KDM4C: variants seen among roughly 807,000 people sequenced by gnomAD.
KDM4C encodes lysine-specific demethylase 4C.
KDM4C carries 81 observed loss-of-function variants against 129.3 expected under a neutral mutation model. That is an observed-to-expected ratio of 0.63 (90% CI 0.52 to 0.75). KDM4C has a LOEUF of 0.75. KDM4C is among the 30% of genes least tolerant of loss of function. The probability of loss-of-function intolerance (pLI) is 0.00; values close to 1 mark genes in which losing one functional copy is unlikely to be tolerated. For missense variants in KDM4C, 1,457 were observed against 1,304.0 expected, an observed-to-expected ratio of 1.12 and a Z score of -1.81; for synonymous variants, 573 against 456.1, an observed-to-expected ratio of 1.26 and a Z score of -3.26.
chr9:6,811,956 A>G (rs1396993116), intron 3 of KDM4C, among the ~76,000 whole-genome samples: 6 of 152,218 alleles, frequency 3.9e-5, no homozygotes, highest in African/African-American at 1.2e-4. Context: ...ATTAGGAAGG[A>G]CTCTGATCAG....
chr9:6,889,756 C>A (rs1234677760), intron 7 of KDM4C, among the ~76,000 whole-genome samples: 1 of 152,194 alleles, frequency 6.6e-6, no homozygotes, highest in Non-Finnish European at 1.5e-5. Context: ...TCCTTTGGGG[C>A]TGGTGTTAGG....
At chr9:6,821,342 G>GT (rs1421828728) in intron 4 of KDM4C, among the ~76,000 whole-genome samples, 1 of 152,190 alleles carries the variant, frequency 6.6e-6, no homozygotes, top group African/African-American at 2.4e-5. Context: ...CACCAACAGT[G>GT]TAAAAGCGTT....
At chr9:7,094,842 A>G (rs1343824289) in intron 17 of KDM4C, among the ~76,000 whole-genome samples, 2 of 152,192 alleles carry the variant, frequency 1.3e-5, no homozygotes, top group African/African-American at 4.8e-5. Context: ...TAATTGAAAG[A>G]CAAGAGGCAA....
At chr9:7,030,597 T>G (rs1826563584) in intron 15 of KDM4C, among the ~76,000 whole-genome samples, 1 of 152,192 alleles carries the variant, frequency 6.6e-6, no homozygotes. Context: ...ACCCTTCAAT[T>G]ATGCTATGAA....
At chr9:6,849,855 T>C (rs112418161) in intron 5 of KDM4C, among the ~76,000 whole-genome samples, 155 bp downstream of exon 5, 3,629 of 152,340 alleles carry the variant, frequency 0.024, 148 homozygotes, top group African/African-American at 0.078. Context: ...TCTTCTATTC[T>C]GTCTGGGATT....
rs1820805713 is a variant in KDM4C, at chr9:6,767,226, C to T, written c.-18+9023C>T. On this transcript the variant is annotated intron_variant, in intron 1 of 21. Transcript: ENST00000381309. Reference sequence around the variant, plus strand: ...CGATCTCGGCTCACTGCAAGCTCCGCCTCCTGGGTTCACGCCATTCTCCTG... The same window carrying T: ...CGATCTCGGCTCACTGCAAGCTCCGTCTCCTGGGTTCACGCCATTCTCCTG... 2.6e-5 allele frequency among the ~76,000 whole-genome samples: 4 copies of T among 151,944 alleles called. No individual in the cohort carries two copies. In the South Asian group the frequency reaches 8.3e-4, roughly 32 times the overall value.
chr9:7,022,637 C>CTTTTTTTTTTTTTT (rs375675040), intron 15 of KDM4C, among the ~76,000 whole-genome samples: 10 of 133,962 alleles, frequency 7.5e-5, no homozygotes, highest in Admixed American at 1.5e-4. Context: ...CCCTTTATTT[C>CTTTTTTTTTTTTTT]TTTTTTTTTT....
chr9:6,825,192 T>G (rs1206648903), intron 4 of KDM4C, among the ~76,000 whole-genome samples: 2 of 151,778 alleles, frequency 1.3e-5, no homozygotes, highest in African/African-American at 4.8e-5. Context: ...TTATATCAGC[T>G]TCTACATTTA....
intron 17 of KDM4C, chr9:7,077,154 G>A (rs1834021815): frequency 1.0e-6 from 1 of 985,336 alleles, no homozygotes; most frequent in South Asian, 4.7e-5. Flanking sequence ...TGTTGAGAAC[G>A]GACCTGTTGC....
At chr9:7,030,432 C>G (rs1406155276) in intron 15 of KDM4C, among the ~76,000 whole-genome samples, 1 of 151,998 alleles carries the variant, frequency 6.6e-6, no homozygotes, top group Non-Finnish European at 1.5e-5. Context: ...ATGTACAACA[C>G]CAAGAGTGAA....
At chr9:6,793,185 A>G (rs1311615129) in intron 2 of KDM4C, 53 bp downstream of exon 2, 36 of 1,576,336 alleles carry the variant, frequency 2.3e-5, no homozygotes, top group Non-Finnish European at 2.9e-5. Context: ...CCTTTAATTT[A>G]TGTTCTTAGT....
chr9:6,998,975 C>T (rs1416649243), intron 12 of KDM4C, among the ~76,000 whole-genome samples: 1 of 151,936 alleles, frequency 6.6e-6, no homozygotes, highest in Non-Finnish European at 1.5e-5. Context: ...GTGGTATTTT[C>T]TGAGTACTTC....
chr9:6,898,318 T>A (rs1342557267), intron 8 of KDM4C, among the ~76,000 whole-genome samples: 2 of 152,178 alleles, frequency 1.3e-5, no homozygotes, highest in African/African-American at 2.4e-5. Context: ...TAAAAAAGAA[T>A]CATTGTCTTG....
intron 17 of KDM4C, among the ~76,000 whole-genome samples, chr9:7,074,492 A>G (rs1374400785): frequency 6.6e-6 from 1 of 152,088 alleles, no homozygotes; most frequent in Admixed American, 6.5e-5. Flanking sequence ...TATATAATCT[A>G]TTCTTGAATC....
intron 8 of KDM4C, among the ~76,000 whole-genome samples, chr9:6,900,803 C>G (rs769723539): frequency 6.6e-5 from 10 of 152,156 alleles, no homozygotes; most frequent in Admixed American, 3.9e-4. Context: ...TTTCTACCTT[C>G]TCTTTCATTT....
At chr9:6,934,057 C>G (rs562924729) in intron 8 of KDM4C, among the ~76,000 whole-genome samples, 3 of 151,878 alleles carry the variant, frequency 2.0e-5, no homozygotes, top group Admixed American at 6.6e-5. Flanking sequence ...ACCATGTTGG[C>G]CAGGCTGGTC....
chr9:6,750,685 G>C (rs1818037667), intron 1 of KDM4C, among the ~76,000 whole-genome samples: 1 of 152,218 alleles, frequency 6.6e-6, no homozygotes, highest in Non-Finnish European at 1.5e-5. Flanking sequence ...TGTATTATCT[G>C]GATTAGTCAA....
intron 1 of KDM4C, among the ~76,000 whole-genome samples, chr9:6,777,722 G>C (rs1422936856): frequency 6.6e-6 from 1 of 151,062 alleles, no homozygotes; most frequent in Admixed American, 6.6e-5. Context: ...ACCTCCACCT[G>C]CTTCCACCAT....
intron 2 of KDM4C, among the ~76,000 whole-genome samples, chr9:6,794,884 T>G (rs970371927): frequency 3.9e-5 from 6 of 152,222 alleles, no homozygotes; most frequent in Non-Finnish European, 8.8e-5. Context: ...AGAGATCCAC[T>G]ATATGATATA....
Sources: allele counts gnomAD v4.1 joint callset (sites outside exome capture counted in the v4.1 genomes callset), GRCh38; gene constraint gnomAD v4.1.1; transcripts MANE v1.5; gene names NCBI Gene and HGNC (gene_info 2026-07-23, HGNC 2026-07-21).